AKAP19: variants seen among roughly 807,000 people sequenced by gnomAD.
AKAP19 encodes the protein small A-kinase anchoring protein.
At chr2:189,886,333 T>C in the AKAP19 span, among the ~76,000 whole-genome samples, 4 of 152,358 alleles carry the variant, frequency 2.6e-5, no homozygotes, top group Admixed American at 2.0e-4. Flanking sequence ...ATCCATGTCA[T>C]GTTTTGTCTA....
chr2:189,968,301 G>A, the AKAP19 span, among the ~76,000 whole-genome samples: 1 of 152,154 alleles, frequency 6.6e-6, no homozygotes. Flanking sequence ...GCAGTGGCCT[G>A]ATCATAGCTC....
chr2:190,092,920 C>G, the AKAP19 span, among the ~76,000 whole-genome samples: 1 of 152,162 alleles, frequency 6.6e-6, no homozygotes, highest in Non-Finnish European at 1.5e-5. Context: ...GTTTTACTTA[C>G]AGCGAGTCGA....
chr2:190,179,185 A>C, the AKAP19 span, among the ~76,000 whole-genome samples: 3 of 152,172 alleles, frequency 2.0e-5, no homozygotes, highest in East Asian at 5.8e-4. The surrounding 1 kb of genome is among the most constrained non-coding windows in gnomAD (Gnocchi z 6.0). Context: ...AGGCGGATGG[A>C]TCACCTGAGG....
the AKAP19 span, among the ~76,000 whole-genome samples, chr2:190,046,948 G>T: frequency 0.092 from 14,034 of 152,122 alleles, 1,395 homozygotes; most frequent in African/African-American, 0.24. Context: ...GGCTTCACCA[G>T]ATTTTAAAAG....
At chr2:189,998,451 A>G in the AKAP19 span, among the ~76,000 whole-genome samples, 1 of 152,184 alleles carries the variant, frequency 6.6e-6, no homozygotes, top group Non-Finnish European at 1.5e-5. Flanking sequence ...TTACAGATCT[A>G]TTCAGATTTT....
the AKAP19 span, among the ~76,000 whole-genome samples, chr2:190,179,397 G>A: frequency 6.6e-6 from 1 of 151,052 alleles, no homozygotes; most frequent in South Asian, 2.1e-4. The surrounding 1 kb of genome is among the most constrained non-coding windows in gnomAD (Gnocchi z 6.0). Flanking sequence ...ACAAGAGCAA[G>A]ACTCCATCTC....
the AKAP19 span, among the ~76,000 whole-genome samples, chr2:190,131,995 T>C: frequency 4.6e-5 from 7 of 151,994 alleles, no homozygotes; most frequent in African/African-American, 7.2e-5. Context: ...AGAATCAACA[T>C]ATAGATAATT....
At chr2:190,021,849 C>G in the AKAP19 span, among the ~76,000 whole-genome samples, 93 of 152,230 alleles carry the variant, frequency 6.1e-4, 1 homozygote, top group Non-Finnish European at 1.0e-3. Context: ...TAACAGAATA[C>G]CTGAAGGTGG....
the AKAP19 span, among the ~76,000 whole-genome samples, chr2:190,049,036 G>A: frequency 6.6e-6 from 1 of 152,004 alleles, no homozygotes; most frequent in African/African-American, 2.4e-5. Flanking sequence ...AAAACTGGAA[G>A]CCATAAATAA....
At chr2:190,126,503 TAC>T in the AKAP19 span, among the ~76,000 whole-genome samples, 1 of 151,822 alleles carries the variant, frequency 6.6e-6, no homozygotes, top group Non-Finnish European at 1.5e-5. Context: ...GAGATAAACC[TAC>T]AGAGTTTATT....
the AKAP19 span, among the ~76,000 whole-genome samples, chr2:189,973,946 A>AT: frequency 5.9e-5 from 9 of 152,072 alleles, no homozygotes; most frequent in South Asian, 4.2e-4. Context: ...GGATTCATTG[A>AT]TTTTTTGAAG....
the AKAP19 span, among the ~76,000 whole-genome samples, chr2:190,043,230 C>T: frequency 6.6e-6 from 1 of 152,038 alleles, no homozygotes; most frequent in Non-Finnish European, 1.5e-5. Flanking sequence ...TGAATTTGAT[C>T]GTTGGCCTCT....
At chr2:189,960,592 G>A in the AKAP19 span, among the ~76,000 whole-genome samples, 1 of 152,134 alleles carries the variant, frequency 6.6e-6, no homozygotes, top group Non-Finnish European at 1.5e-5. Flanking sequence ...GATTCATTCT[G>A]GCTTTTCTCA....
At chr2:190,151,579 A>G in the AKAP19 span, among the ~76,000 whole-genome samples, 2,344 of 152,308 alleles carry the variant, frequency 0.015, 64 homozygotes, top group African/African-American at 0.053. Flanking sequence ...CATGGTGTAT[A>G]TGTACCACAT....
the AKAP19 span, chr2:190,060,249 G>T: frequency 1.2e-5 from 20 of 1,612,980 alleles, no homozygotes; most frequent in African/African-American, 2.5e-4. Flanking sequence ...TCGGATTCCA[G>T]TATACCTTGT....
At chr2:190,112,326 C>T in the AKAP19 span, among the ~76,000 whole-genome samples, 1 of 152,010 alleles carries the variant, frequency 6.6e-6, no homozygotes, top group Non-Finnish European at 1.5e-5. Flanking sequence ...TTCTAATTGT[C>T]AGAAAGAGGA....
chr2:189,932,245 T>C, the AKAP19 span, among the ~76,000 whole-genome samples: 1 of 152,038 alleles, frequency 6.6e-6, no homozygotes, highest in East Asian at 1.9e-4. Flanking sequence ...CCGTCTCCAC[T>C]AAAAATACAA....
chr2:189,972,987 C>T, the AKAP19 span, among the ~76,000 whole-genome samples: 1 of 152,152 alleles, frequency 6.6e-6, no homozygotes, highest in Non-Finnish European at 1.5e-5. Context: ...TTTCTCTTGC[C>T]TGATTGCCCT....
chr2:190,038,237 G>A, the AKAP19 span, among the ~76,000 whole-genome samples: 8 of 152,210 alleles, frequency 5.3e-5, no homozygotes, highest in Admixed American at 4.6e-4. Context: ...CCATGCTATT[G>A]CCCCTAGTTA....
Sources: gnomAD v4.1 joint callset for allele counts (sites outside exome capture counted in the v4.1 genomes callset) on GRCh38, gnomAD v4.1.1 for gene constraint, Gnocchi (gnomAD v3.1) non-coding constraint, MANE v1.5 for transcripts, NCBI Gene and HGNC (gene_info 2026-07-23, HGNC 2026-07-21) for gene names.